The following EMC6 variants were observed in gnomAD, a reference collection of about 807,000 sequenced individuals.
EMC6 encodes transmembrane protein 93.
EMC6 carries 1 observed loss-of-function variant against 6.5 expected under a neutral mutation model. The ratio of observed to expected loss-of-function variants is 0.15; its 90% CI spans 0.05 to 0.73. The LOEUF (loss-of-function observed/expected upper bound fraction) is 0.73. Ranked by LOEUF, EMC6 falls within the 30% of genes least tolerant of loss-of-function variation. EMC6 has a pLI of 0.78. For synonymous variants in EMC6, 96 were observed against 74.3 expected (o/e 1.29, Z -1.50); for missense variants, 114 against 146.7 (o/e 0.78, Z 1.15).
chr17:3,669,136 G>T lies in EMC6; in HGVS notation c.-11G>T, dbSNP rs2049972788. On this transcript the variant is annotated 5_prime_UTR_variant, in exon 2 of 2. Transcript: ENST00000248378. ...CGCGAGAAAGCGAGAGGCCGAGCCC[G>T]GGCTGGTGCGATGGCCGCGGTGGTG... 1.3e-6 allele frequency: 2 copies of T among 1,504,192 alleles called. No individual in the cohort carries two copies. The highest frequency in any genetic ancestry group is 2.8e-5 in the African/African-American group (2 of 72,426). 93.2% of individuals were successfully genotyped at this position (1,504,192 alleles called of 1,614,324 possible).
In EMC6 at chr17:3,668,961, C is replaced by T; in HGVS notation, c.-50+62C>T. 1.6e-6 allele frequency: 1 copy of T among 624,612 alleles called. No homozygotes were observed. The highest frequency in any genetic ancestry group is 2.7e-6 in the Non-Finnish European group (1 of 375,100). The allele number at this position is 624,612 out of a possible 1,614,324, so 38.7% of individuals were successfully genotyped here. A position where few individuals can be genotyped will look rare whatever the true frequency, so the allele number is the denominator to read the frequency against. ...CCACCACCTCCCGGCCGGCCCGGAC[C>T]CTCAATCTCCTCGGCGTCTTTGGAA... On this transcript the variant is annotated intron_variant, in intron 1 of 1. Transcript: ENST00000248378. The surrounding 1 kb of genome is among the most constrained non-coding windows in gnomAD (Gnocchi z 4.1).
Position 3,669,141 on chromosome 17 carries a change from G to T in EMC6, c.-6G>T, listed in dbSNP as rs1360013762. On this transcript the variant is annotated 5_prime_UTR_variant, in exon 2 of 2. Transcript: ENST00000248378. ...GAAAGCGAGAGGCCGAGCCCGGGCT[G>T]GTGCGATGGCCGCGGTGGTGGCCAA... The T allele has an allele frequency of 6.6e-7, 1 of 1,510,740 alleles. No individual in the cohort carries two copies. The highest frequency in any genetic ancestry group is 1.2e-5 in the South Asian group (1 of 80,774). The allele number at this position is 1,510,740 out of a possible 1,614,324, so 93.6% of individuals were successfully genotyped here.
intron 1 of EMC6, 47 bp from the exon 2 acceptor site, chr17:3,669,051 A>T: frequency 8.0e-7 from 1 of 1,250,806 alleles, no homozygotes. Context: ...GCGTGAACCC[A>T]ACTCACCGAG....
chr17:3,669,114 G>T lies in EMC6; in HGVS notation c.-33G>T, dbSNP rs1567723861. On this transcript the variant is annotated 5_prime_UTR_variant, in exon 2 of 2. Coordinates refer to ENST00000248378, the MANE Select transcript of EMC6 (RefSeq NM_031298.4). The stretch of plus-strand genomic sequence containing the variant: ...TCTCCGCAGCTCCGCGTTGTTCCGC[G>T]AGAAAGCGAGAGGCCGAGCCCGGGC... 3 of 1,462,762 alleles carry T rather than the reference G, an allele frequency of 2.1e-6. No individual in the cohort carries two copies. Among genetic ancestry groups the T allele is most frequent in the Admixed American group, 2.5e-5 (1 of 40,274 alleles). The allele number at this position is 1,462,762 out of a possible 1,614,324, so 90.6% of individuals were successfully genotyped here.
At position 3,669,658 on chromosome 17, in the gene EMC6, G is replaced by A; in HGVS notation, c.*179G>A. ...TAATATTCTTCAGATTAAATGAAGCGTGAGACACTTTGTGGAGTTCTTTCC... is the reference window on the plus strand; with the variant it reads ...TAATATTCTTCAGATTAAATGAAGCATGAGACACTTTGTGGAGTTCTTTCC... On this transcript the variant is annotated 3_prime_UTR_variant, in exon 2 of 2. Coordinates refer to ENST00000248378, the MANE Select transcript of EMC6 (RefSeq NM_031298.4). 1 of 587,758 alleles carries A rather than the reference G, an allele frequency of 1.7e-6. No homozygotes were observed. The highest frequency in any genetic ancestry group is 2.9e-6 in the Non-Finnish European group (1 of 342,528). 36.4% of individuals were successfully genotyped at this position (587,758 alleles called of 1,614,324 possible).
chr17:3,669,622 C>A lies in EMC6; in HGVS notation c.*143C>A. The A allele has an allele frequency of 1.5e-6, 1 of 650,456 alleles. No individual in the cohort carries two copies. The highest frequency in any genetic ancestry group is 2.6e-6 in the Non-Finnish European group (1 of 391,750). The allele number at this position is 650,456 out of a possible 1,614,324, so 40.3% of individuals were successfully genotyped here. On this transcript the variant is annotated 3_prime_UTR_variant, in exon 2 of 2. Transcript: ENST00000248378. Reference sequence around the variant, plus strand: ...GTTATAAATAATTTATATCTGAAGACGGAGAGCCTGTAATATTCTTCAGAT... The same window carrying A: ...GTTATAAATAATTTATATCTGAAGAAGGAGAGCCTGTAATATTCTTCAGAT...
rs1263358464 is a variant in EMC6, at chr17:3,668,873, A to G, written c.-76A>G. The stretch of plus-strand genomic sequence containing the variant: ...CCACTGCCCGTCTGAGGGAACGCTA[A>G]GTAGTGTGTCCGGCGCCGTGTTCCA... On this transcript the variant is annotated 5_prime_UTR_variant, in exon 1 of 2. Transcript: ENST00000248378. This position sits in a 1 kb window ranked among gnomAD's most constrained non-coding sequence, Gnocchi z 4.1. 2 of 543,618 alleles carry G rather than the reference A, an allele frequency of 3.7e-6. No individual in the cohort carries two copies. Among genetic ancestry groups the G allele is most frequent in the African/African-American group, 4.0e-5 (2 of 50,172 alleles). The allele number at this position is 543,618 out of a possible 1,614,324, so 33.7% of individuals were successfully genotyped here.
Position 3,669,125 on chromosome 17 carries a change from A to G in EMC6, c.-22A>G. 1 of 1,472,218 alleles carries G rather than the reference A, an allele frequency of 6.8e-7. No homozygotes were observed. Among genetic ancestry groups the G allele is most frequent in the Non-Finnish European group, 9.0e-7 (1 of 1,114,206 alleles). The allele number at this position is 1,472,218 out of a possible 1,614,324, so 91.2% of individuals were successfully genotyped here. ...CCGCGTTGTTCCGCGAGAAAGCGAG[A>G]GGCCGAGCCCGGGCTGGTGCGATGG... On this transcript the variant is annotated 5_prime_UTR_variant, in exon 2 of 2. Coordinates refer to ENST00000248378, the MANE Select transcript of EMC6 (RefSeq NM_031298.4).
At position 3,669,240 on chromosome 17, in the gene EMC6, T is replaced by C; in HGVS notation, c.94T>C (p.Ser32Pro). 6.2e-7 allele frequency: 1 copy of C among 1,612,988 alleles called. No individual in the cohort carries two copies. Among genetic ancestry groups the C allele is most frequent in the Non-Finnish European group, 8.5e-7 (1 of 1,179,832 alleles). Residue 32 changes from serine (S) to proline (P), a missense_variant, in exon 2 of 2, where the codon TCG becomes CCG. Coordinates refer to ENST00000248378, the MANE Select transcript of EMC6 (RefSeq NM_031298.4). ...NAAVLDYCRT[S>P]VSALSGATAG... ...CGCCGTCCTGGATTATTGCCGGACCTCGGTGTCAGCGCTGTCGGGGGCCAC... is the reference window on the plus strand; with the variant it reads ...CGCCGTCCTGGATTATTGCCGGACCCCGGTGTCAGCGCTGTCGGGGGCCAC...
chr17:3,669,155 G>A lies in EMC6; in HGVS notation c.9G>A (p.Ala3=). Residue 3 remains alanine, a synonymous_variant, in exon 2 of 2, where the codon GCG becomes GCA. Coordinates refer to ENST00000248378, the MANE Select transcript of EMC6 (RefSeq NM_031298.4). Reference sequence around the variant, plus strand: ...GAGCCCGGGCTGGTGCGATGGCCGCGGTGGTGGCCAAGCGGGAAGGGCCGC... The same window carrying A: ...GAGCCCGGGCTGGTGCGATGGCCGCAGTGGTGGCCAAGCGGGAAGGGCCGC... The part of the protein sequence containing the change: MA[A]VVAKREGPPF... 6.5e-7 allele frequency: 1 copy of A among 1,527,728 alleles called. No homozygotes were observed. Among genetic ancestry groups the A allele is most frequent in the Non-Finnish European group, 8.8e-7 (1 of 1,136,652 alleles). The allele number at this position is 1,527,728 out of a possible 1,614,324, so 94.6% of individuals were successfully genotyped here.
In EMC6 at chr17:3,668,868, C is replaced by T; in HGVS notation, c.-81C>T. The T allele has an allele frequency of 1.9e-6, 1 of 530,230 alleles. No individual in the cohort carries two copies. The highest frequency in any genetic ancestry group is 3.3e-6 in the Non-Finnish European group (1 of 303,700). 32.8% of individuals were successfully genotyped at this position (530,230 alleles called of 1,614,324 possible). A position where few individuals can be genotyped will look rare whatever the true frequency, so the allele number is the denominator to read the frequency against. On this transcript the variant is annotated 5_prime_UTR_variant, in exon 1 of 2. The change creates a new upstream start codon in the 5' untranslated region. Coordinates refer to ENST00000248378, the MANE Select transcript of EMC6 (RefSeq NM_031298.4). The surrounding 1 kb of genome is among the most constrained non-coding windows in gnomAD (Gnocchi z 4.1). Reference sequence around the variant, plus strand: ...TTCTTCCACTGCCCGTCTGAGGGAACGCTAAGTAGTGTGTCCGGCGCCGTG... The same window carrying T: ...TTCTTCCACTGCCCGTCTGAGGGAATGCTAAGTAGTGTGTCCGGCGCCGTG...
chr17:3,669,212 C>T lies in EMC6; in HGVS notation c.66C>T (p.Asn22=). 6.2e-6 allele frequency: 10 copies of T among 1,602,834 alleles called. No individual in the cohort carries two copies. Among genetic ancestry groups the T allele is most frequent in the Non-Finnish European group, 8.5e-6 (10 of 1,175,182 alleles). Reference sequence around the variant, plus strand: ...TCAGCGAGGCGGCCGTGCGGGGCAACGCCGCCGTCCTGGATTATTGCCGGA... The same window carrying T: ...TCAGCGAGGCGGCCGTGCGGGGCAATGCCGCCGTCCTGGATTATTGCCGGA... ...PFISEAAVRG[N]AAVLDYCRTS... The change falls in exon 2 of 2, where the codon AAC becomes AAT. Residue 22 remains asparagine, a synonymous_variant. Coordinates refer to ENST00000248378, the MANE Select transcript of EMC6 (RefSeq NM_031298.4).
rs1012854546 is a variant in EMC6, at chr17:3,669,560, G to T, written c.*81G>T. On this transcript the variant is annotated 3_prime_UTR_variant, in exon 2 of 2. Coordinates refer to ENST00000248378, the MANE Select transcript of EMC6 (RefSeq NM_031298.4). ...AATTAACACCATGTAGACTTCCTTA[G>T]TTCTTAAGTGGTTGAATTCGCTGCT... 5 of 1,146,978 alleles carry T rather than the reference G, an allele frequency of 4.4e-6. No individual in the cohort carries two copies. In the African/African-American group the frequency reaches 7.8e-5, roughly 18 times the overall value. 71.1% of individuals were successfully genotyped at this position (1,146,978 alleles called of 1,614,324 possible).
rs1335310496 is a variant in EMC6 at position 3,668,857 on chromosome 17, G to T, written c.-92G>T. 1.9e-6 allele frequency: 1 copy of T among 520,660 alleles called. No homozygotes were observed. Among genetic ancestry groups the T allele is most frequent in the East Asian group, 3.3e-5 (1 of 30,616 alleles). 32.3% of individuals were successfully genotyped at this position (520,660 alleles called of 1,614,324 possible). A position where few individuals can be genotyped will look rare whatever the true frequency, so the allele number is the denominator to read the frequency against. ...GCCGCGGGCATTTCTTCCACTGCCC[G>T]TCTGAGGGAACGCTAAGTAGTGTGT... On this transcript the variant is annotated 5_prime_UTR_variant, in exon 1 of 2. Coordinates refer to ENST00000248378, the MANE Select transcript of EMC6 (RefSeq NM_031298.4). The surrounding 1 kb of genome is among the most constrained non-coding windows in gnomAD (Gnocchi z 4.1).
chr17:3,669,540 A>G lies in EMC6; in HGVS notation c.*61A>G, dbSNP rs1335725057. 5 of 1,382,882 alleles carry G rather than the reference A, an allele frequency of 3.6e-6. No homozygotes were observed. The highest frequency in any genetic ancestry group is 4.9e-6 in the Non-Finnish European group (5 of 1,010,108). The allele number at this position is 1,382,882 out of a possible 1,614,324, so 85.7% of individuals were successfully genotyped here. On this transcript the variant is annotated 3_prime_UTR_variant, in exon 2 of 2. Coordinates refer to ENST00000248378, the MANE Select transcript of EMC6 (RefSeq NM_031298.4). ...TCGGGAGGACTGTGGCCAGCAATTA[A>G]CACCATGTAGACTTCCTTAGTTCTT...
At position 3,669,191 on chromosome 17, in the gene EMC6, C is replaced by T. The variant is rs2049974035; in HGVS notation, c.45C>T (p.Ser15=). ...AGCGGGAAGGGCCGCCGTTCATCAG[C>T]GAGGCGGCCGTGCGGGGCAACGCCG... The part of the protein sequence containing the change: ...VAKREGPPFI[S]EAAVRGNAAV... The change falls in exon 2 of 2, where the codon AGC becomes AGT. Residue 15 remains serine, a synonymous_variant. Coordinates refer to ENST00000248378, the MANE Select transcript of EMC6 (RefSeq NM_031298.4). 1 of 1,577,458 alleles carries T rather than the reference C, an allele frequency of 6.3e-7. No individual in the cohort carries two copies. The highest frequency in any genetic ancestry group is 8.6e-7 in the Non-Finnish European group (1 of 1,161,134).
chr17:3,669,059 G>C, intron 1 of EMC6, 39 bp from the exon 2 acceptor site: 2 of 1,321,264 alleles, frequency 1.5e-6, no homozygotes, highest in South Asian at 1.5e-5. Context: ...CCAACTCACC[G>C]AGCTCCGGGC....
At chr17:3,669,063 T>A in intron 1 of EMC6, 35 bp from the exon 2 acceptor site, 1 of 1,347,530 alleles carries the variant, frequency 7.4e-7, no homozygotes, top group Non-Finnish European at 9.8e-7. Flanking sequence ...CTCACCGAGC[T>A]CCGGGCGCCA....
intron 1 of EMC6, 31 bp from the exon 2 acceptor site, chr17:3,669,067 G>A: frequency 3.7e-6 from 5 of 1,367,588 alleles, no homozygotes; most frequent in Non-Finnish European, 4.8e-6. Context: ...CCGAGCTCCG[G>A]GCGCCACTTG....
Sources: allele counts gnomAD v4.1 joint callset, GRCh38; gene constraint gnomAD v4.1.1; non-coding constraint Gnocchi (gnomAD v3.1); transcripts MANE v1.5; gene names NCBI Gene and HGNC (gene_info 2026-07-23, HGNC 2026-07-21).